The following COPS9 variants were observed in gnomAD, a reference collection of about 807,000 sequenced individuals.
The protein encoded by COPS9 is COP9 signalosome complex subunit 9.
In COPS9, 8 loss-of-function variants were observed where a neutral mutation model predicts 7.2. That is an observed-to-expected ratio of 1.11 (90% CI 0.65 to 2.00). The LOEUF is 2.00. Ranked by LOEUF, COPS9 falls within the 30% of genes most tolerant of loss-of-function variation. The pLI is 0.00. For missense variants in COPS9, 74 were observed against 77.7 expected, an observed-to-expected ratio of 0.95 and a Z score of 0.18; for synonymous variants, 39 against 28.7, an observed-to-expected ratio of 1.36 and a Z score of -1.14.
chr2:240,129,208 G>A (rs7605930), downstream of COPS9, among the ~76,000 whole-genome samples: 8,795 of 152,274 alleles, frequency 0.058, 860 homozygotes, highest in African/African-American at 0.2. Flanking sequence ...CGTGGCCCAG[G>A]CTGGAGTGCA....
chr2:240,129,108 G>A (rs1279509097), downstream of COPS9, among the ~76,000 whole-genome samples: 1 of 152,190 alleles, frequency 6.6e-6, no homozygotes, highest in Non-Finnish European at 1.5e-5. Flanking sequence ...ATTCCTTCCT[G>A]CTGAAGGCCA....
At chr2:240,130,295 A>C (rs2071908896), downstream of COPS9, among the ~76,000 whole-genome samples, 1 of 152,206 alleles carries the variant, frequency 6.6e-6, no homozygotes, top group Admixed American at 6.5e-5. Context: ...TCCTGGCCTG[A>C]GAAACACTCT....
intron 1 of COPS9, among the ~76,000 whole-genome samples, chr2:240,134,986 T>G (rs1472799644): frequency 1.2e-5 from 1 of 81,004 alleles, no homozygotes; most frequent in Non-Finnish European, 2.1e-5. Flanking sequence ...CCACATCGCC[T>G]AGGACTGTGA....
chr2:240,126,963 G>C (rs373699268), downstream of COPS9: 3 of 1,604,112 alleles, frequency 1.9e-6, no homozygotes, highest in Non-Finnish European at 2.6e-6. Flanking sequence ...AAGGAAGCTC[G>C]TGACACTAGA....
At chr2:240,131,358 CG>C (rs2071920935) in intron 2 of COPS9, among the ~76,000 whole-genome samples, 1 of 152,204 alleles carries the variant, frequency 6.6e-6, no homozygotes, top group African/African-American at 2.4e-5. Flanking sequence ...CTGAGTCCCA[CG>C]GACACCACCG....
downstream of COPS9, among the ~76,000 whole-genome samples, chr2:240,130,181 G>C (rs2071907264): frequency 6.6e-6 from 1 of 152,236 alleles, no homozygotes; most frequent in African/African-American, 2.4e-5. Flanking sequence ...ACATGACAAG[G>C]TGACACCCTT....
intron 1 of COPS9, among the ~76,000 whole-genome samples, chr2:240,135,477 A>G (rs2071966968): frequency 6.6e-6 from 1 of 152,180 alleles, no homozygotes; most frequent in East Asian, 1.9e-4. Context: ...AAGCTTTGAG[A>G]AAGAGCACAT....
downstream of COPS9, chr2:240,130,767 CAG>C: frequency 7.5e-7 from 1 of 1,327,100 alleles, no homozygotes; most frequent in Non-Finnish European, 9.6e-7. Context: ...CACAAACACA[CAG>C]AGACGTTTAG....
intron 1 of COPS9, among the ~76,000 whole-genome samples, chr2:240,134,720 G>C (rs887211667): frequency 5.9e-5 from 9 of 152,070 alleles, no homozygotes; most frequent in African/African-American, 2.2e-4. Flanking sequence ...TTCCCTTTCA[G>C]ACACTCTCAG....
chr2:240,127,796 T>A (rs2071881923), downstream of COPS9, among the ~76,000 whole-genome samples: 1 of 152,202 alleles, frequency 6.6e-6, no homozygotes, highest in Admixed American at 6.5e-5. Flanking sequence ...TGTTTACACT[T>A]AAGAAATGCC....
chr2:240,130,888 G>T lies in COPS9; in HGVS notation c.*163C>A. On this transcript the variant is annotated 3_prime_UTR_variant, in exon 3 of 3. Coordinates refer to ENST00000607357, the MANE Select transcript of COPS9 (RefSeq NM_001163424.2). Reference sequence around the variant, plus strand: ...ACCTGATCCCGTTCAGAGATGAACAGAATCATCTAGGTCGTTAAGAACAGT... The same window carrying T: ...ACCTGATCCCGTTCAGAGATGAACATAATCATCTAGGTCGTTAAGAACAGT... 2 of 1,441,678 alleles carry T rather than the reference G, an allele frequency of 1.4e-6. No homozygotes were observed. Among genetic ancestry groups the T allele is most frequent in the Non-Finnish European group, 1.8e-6 (2 of 1,098,078 alleles). 89.3% of individuals were successfully genotyped at this position (1,441,678 alleles called of 1,614,324 possible).
downstream of COPS9, chr2:240,126,835 G>C: frequency 6.2e-7 from 1 of 1,614,208 alleles, no homozygotes; most frequent in Non-Finnish European, 8.5e-7. Context: ...CACAGCGGAT[G>C]TTCTCTGCAT....
At chr2:240,133,735 T>C (rs2071944758) in intron 2 of COPS9, among the ~76,000 whole-genome samples, 198 bp downstream of exon 2, 1 of 152,178 alleles carries the variant, frequency 6.6e-6, no homozygotes, top group Admixed American at 6.5e-5. Context: ...GCTACTTTTC[T>C]CCTGAAAAAT....
chr2:240,135,004 G>C (rs2071961137), intron 1 of COPS9, among the ~76,000 whole-genome samples: 1 of 21,208 alleles, frequency 4.7e-5, no homozygotes, highest in Admixed American at 5.8e-4. Flanking sequence ...TGAAGCCTAG[G>C]ACTGTAAAAC....
rs1269149939 is a variant in COPS9, at chr2:240,134,047, G to A, written c.64-42C>T. 16 of 1,595,510 alleles carry A rather than the reference G, an allele frequency of 1.0e-5. No homozygotes were observed. In the Middle Eastern group the frequency reaches 5.1e-4, roughly 51 times the overall value. On this transcript the variant is annotated intron_variant, in intron 1 of 2. Coordinates refer to ENST00000607357, the MANE Select transcript of COPS9 (RefSeq NM_001163424.2). ...CAAGGTTATGTCAGGTGCGTTTTCC[G>A]AAAGAACAGGTGATAAGTGCATTGC... is the stretch of plus-strand genomic sequence containing the variant.
downstream of COPS9, among the ~76,000 whole-genome samples, chr2:240,127,862 T>C (rs979394022): frequency 4.1e-4 from 62 of 152,140 alleles, no homozygotes; most frequent in Non-Finnish European, 4.6e-4. Context: ...TGCTCTGCCT[T>C]GCTCAGCCAG....
chr2:240,127,316 C>T (rs1336698563), downstream of COPS9, among the ~76,000 whole-genome samples: 2 of 151,616 alleles, frequency 1.3e-5, no homozygotes, highest in Non-Finnish European at 2.9e-5. Flanking sequence ...CCAAACCACC[C>T]AGAGGCAGTT....
In COPS9 at chr2:240,136,258, G is replaced by A. The variant is rs1574950044; in HGVS notation, c.27C>T (p.Phe9=). The change falls in exon 1 of 3, where the codon TTC becomes TTT. Residue 9 remains phenylalanine (F), a synonymous_variant. Coordinates refer to ENST00000607357, the MANE Select transcript of COPS9 (RefSeq NM_001163424.2). MKPAVDEM[F]PEGAGPYVDL... ...CCACGTAGGGCCCGGCGCCCTCGGG[G>A]AACATCTCGTCCACCGCCGGCTTCA... The A allele has an allele frequency of 6.4e-7, 1 of 1,570,322 alleles. No homozygotes were observed.
chr2:240,133,382 T>C (rs1429329046), intron 2 of COPS9, among the ~76,000 whole-genome samples: 1 of 152,228 alleles, frequency 6.6e-6, no homozygotes, highest in Non-Finnish European at 1.5e-5. Flanking sequence ...GTTCATTTGG[T>C]TTACCCATGT....
Sources: gnomAD v4.1 joint callset for allele counts (sites outside exome capture counted in the v4.1 genomes callset) on GRCh38, gnomAD v4.1.1 for gene constraint, MANE v1.5 for transcripts, NCBI Gene and HGNC (gene_info 2026-07-23, HGNC 2026-07-21) for gene names.